HUNK: variants seen among roughly 807,000 people sequenced by gnomAD.
HUNK encodes the protein hormonally up-regulated Neu-associated kinase.
HUNK carries 21 observed loss-of-function variants against 61.0 expected under a neutral mutation model. The ratio of observed to expected loss-of-function variants is 0.34; its 90% CI spans 0.24 to 0.50. HUNK has a LOEUF of 0.50. Ranked by LOEUF, HUNK falls within the 20% of genes least tolerant of loss-of-function variation. The pLI, the probability that HUNK is intolerant of heterozygous loss-of-function variation, is 0.98. For missense variants in HUNK, 772 were observed against 945.7 expected, an observed-to-expected ratio of 0.82 and a Z score of 2.41; for synonymous variants, 371 against 386.1, an observed-to-expected ratio of 0.96 and a Z score of 0.46.
chr21:31,979,515 C>T (rs73193445), intron 7 of HUNK, among the ~76,000 whole-genome samples: 4,642 of 34,038 alleles, frequency 0.14, 405 homozygotes, highest in South Asian at 0.18. Context: ...TGTTTGCATT[C>T]TTTTTTTTTT....
rs376957999 is a variant in HUNK, at chr21:31,968,328, G to A, written c.953G>A (p.Arg318His). 17 of 1,614,194 alleles carry A rather than the reference G, an allele frequency of 1.1e-5. No homozygotes were observed. The highest frequency in any genetic ancestry group is 1.4e-5 in the Non-Finnish European group (16 of 1,180,028). Residue 318 changes from arginine (R) to histidine (H), a missense_variant, in exon 6 of 11, where the codon CGC (arginine) becomes CAC (histidine). Physicochemically the swap from Arg to His is conservative, Grantham distance 29 (BLOSUM62 0). Transcript: ENST00000270112. ...AATATTCAGCAGGCACTGGCGAATC[G>A]CTGGCTTAATGAGAATTACACGGGC... ...RPNIQQALANRWLNENYTGKV... is the reference protein window; with the variant it reads ...RPNIQQALANHWLNENYTGKV...
intron 4 of HUNK, 67 bp downstream of exon 4, chr21:31,946,238 T>A: frequency 5.3e-6 from 8 of 1,512,800 alleles, no homozygotes; most frequent in South Asian, 1.2e-5. Flanking sequence ...CCTTATGAAA[T>A]CATGCCTGAG....
intron 6 of HUNK, among the ~76,000 whole-genome samples, chr21:31,970,954 C>T (rs1156547741): frequency 3.3e-5 from 5 of 152,170 alleles, no homozygotes; most frequent in Admixed American, 3.3e-4. Flanking sequence ...ATCTCACATG[C>T]TCAGGAAAAC....
chr21:31,998,723 T>G lies in HUNK; in HGVS notation c.1684T>G (p.Phe562Val), dbSNP rs767967683. The G allele has an allele frequency of 6.8e-6, 11 of 1,614,044 alleles. No homozygotes were observed. The Admixed American group carries it at 1.2e-4, about 17-fold the overall frequency. The change falls in exon 11 of 11, where the codon TTC becomes GTC. Residue 562 changes from phenylalanine to valine, a missense_variant. Physicochemically the swap from Phe to Val is conservative, Grantham distance 50. Transcript: ENST00000270112. ...DPLMLDMVRS[F>V]ESVDRDDHVE... ...CCTGATGCTGGACATGGTGCGCTCC[T>G]TCGAGTCTGTGGATCGCGACGACCA...
intron 1 of HUNK, among the ~76,000 whole-genome samples, chr21:31,898,848 A>C (rs1056909109): frequency 1.3e-5 from 2 of 152,206 alleles, no homozygotes; most frequent in African/African-American, 2.4e-5. Context: ...GACTGATATG[A>C]AAGCAAAGCT....
intron 1 of HUNK, among the ~76,000 whole-genome samples, chr21:31,923,332 T>C (rs2052635547): frequency 6.6e-6 from 1 of 151,868 alleles, no homozygotes; most frequent in Non-Finnish European, 1.5e-5. Flanking sequence ...TCCCAGCTCC[T>C]GGGAGGCTGA....
intron 7 of HUNK, among the ~76,000 whole-genome samples, chr21:31,979,266 A>G (rs2053074393): frequency 6.6e-6 from 1 of 151,626 alleles, no homozygotes. Flanking sequence ...CTACAGGTGC[A>G]CACCACCATG....
chr21:31,961,430 G>A (rs529387298), intron 5 of HUNK, among the ~76,000 whole-genome samples: 1 of 152,154 alleles, frequency 6.6e-6, no homozygotes, highest in Non-Finnish European at 1.5e-5. Context: ...GAAATTGCTG[G>A]GTTGGGTAGT....
chr21:31,927,830 C>T (rs895671686), intron 2 of HUNK, among the ~76,000 whole-genome samples: 1 of 152,142 alleles, frequency 6.6e-6, no homozygotes, highest in Non-Finnish European at 1.5e-5. Flanking sequence ...TTTCTAGAGC[C>T]AGCCTTGGGT....
chr21:31,891,281 G>A (rs1479323209), intron 1 of HUNK, among the ~76,000 whole-genome samples: 1 of 152,238 alleles, frequency 6.6e-6, no homozygotes, highest in Non-Finnish European at 1.5e-5. Context: ...GGTGGCTGAG[G>A]CACAAGAATA....
chr21:31,888,382 A>G (rs1048817964), intron 1 of HUNK, among the ~76,000 whole-genome samples: 6 of 152,186 alleles, frequency 3.9e-5, no homozygotes, highest in African/African-American at 1.4e-4. Context: ...TTTCTCACAT[A>G]TGTAGTACAG....
Position 32,000,256 on chromosome 21 carries a change from C to T in HUNK, c.*1072C>T, listed in dbSNP as rs567691683. 44 of 399,074 alleles carry T rather than the reference C, an allele frequency of 1.1e-4. No individual in the cohort carries two copies. The South Asian group carries it at 1.8e-3, about 16-fold the overall frequency. The allele number at this position is 399,074 out of a possible 1,614,324, so 24.7% of individuals were successfully genotyped here. On this transcript the variant is annotated 3_prime_UTR_variant, in exon 11 of 11. Coordinates refer to ENST00000270112, the MANE Select transcript of HUNK (RefSeq NM_014586.2). ...CACAGAACTGGTGCGGCTCAGAGCT[C>T]GGCGAGTTTGCTGGGAGCTGGGAGC... is the stretch of plus-strand genomic sequence containing the variant.
At chr21:31,895,021 C>T (rs1324852855) in intron 1 of HUNK, among the ~76,000 whole-genome samples, 3 of 152,152 alleles carry the variant, frequency 2.0e-5, no homozygotes, top group Admixed American at 6.6e-5. Flanking sequence ...AGGATTTTAG[C>T]GAATCTCAGG....
chr21:31,947,041 G>C (rs8130771), intron 4 of HUNK, among the ~76,000 whole-genome samples: 1 of 151,224 alleles, frequency 6.6e-6, no homozygotes, highest in Admixed American at 6.6e-5. Flanking sequence ...TGGCGCCTGC[G>C]CATTCCCACA....
intron 8 of HUNK, among the ~76,000 whole-genome samples, chr21:31,986,883 C>T (rs73354670): frequency 0.022 from 3,403 of 152,258 alleles, 119 homozygotes; most frequent in African/African-American, 0.079. Context: ...CTGCCTACCA[C>T]GTTCTACATC....
intron 1 of HUNK, among the ~76,000 whole-genome samples, chr21:31,902,465 G>A (rs142252336): frequency 6.8e-4 from 103 of 152,192 alleles, no homozygotes; most frequent in African/African-American, 1.2e-3. Flanking sequence ...AGCCAAGATC[G>A]TGCCATTGCA....
chr21:31,919,225 T>TTGAGGGGCTGGACTGAGC (rs2052606966), intron 1 of HUNK, among the ~76,000 whole-genome samples: 2 of 126,088 alleles, frequency 1.6e-5, no homozygotes, highest in African/African-American at 5.9e-5. Context: ...CTGGAATGAG[T>TTGAGGGGCTGGACTGAGC]GGTATGAGGA....
chr21:31,934,769 T>A (rs992332187), intron 2 of HUNK, among the ~76,000 whole-genome samples: 1 of 152,212 alleles, frequency 6.6e-6, no homozygotes, highest in African/African-American at 2.4e-5. Context: ...ATTTGATTTT[T>A]TTTTTCTTTG....
intron 10 of HUNK, among the ~76,000 whole-genome samples, chr21:31,997,515 T>C (rs902300953): frequency 2.6e-5 from 4 of 152,178 alleles, no homozygotes; most frequent in Non-Finnish European, 4.4e-5. Flanking sequence ...ATTCCACTTA[T>C]ATGAGGTCCC....
Sources: gnomAD v4.1 joint callset for allele counts (sites outside exome capture counted in the v4.1 genomes callset) on GRCh38, gnomAD v4.1.1 for gene constraint, MANE v1.5 for transcripts, NCBI Gene and HGNC (gene_info 2026-07-23, HGNC 2026-07-21) for gene names.